FGD6: variants seen among roughly 807,000 people sequenced by gnomAD.
FGD6 encodes the protein FYVE, RhoGEF and PH domain-containing protein 6.
In FGD6, 90 loss-of-function variants were observed where a neutral mutation model predicts 149.4. That is an observed-to-expected ratio of 0.60 (90% CI 0.51 to 0.72). The LOEUF is 0.72. FGD6 is among the 30% of genes least tolerant of loss of function. FGD6 has a pLI of 0.00. For synonymous variants in FGD6, 527 were observed against 584.0 expected (o/e 0.90, Z 1.41); for missense variants, 1,437 against 1,684.8 (o/e 0.85, Z 2.57).
At chr12:95,148,631 ATATGT>A (rs1340720594) in intron 5 of FGD6, among the ~76,000 whole-genome samples, 1 of 123,172 alleles carries the variant, frequency 8.1e-6, no homozygotes, top group Admixed American at 9.8e-5. Flanking sequence ...AATACATAGC[ATATGT>A]TATATTATAT....
chr12:95,174,479 C>T (rs542136891), intron 2 of FGD6, among the ~76,000 whole-genome samples: 2 of 152,242 alleles, frequency 1.3e-5, no homozygotes, highest in South Asian at 2.1e-4. Flanking sequence ...CACAACCCAC[C>T]GAATCAGGAT....
chr12:95,154,838 GTCT>G (rs1196402975), intron 3 of FGD6, among the ~76,000 whole-genome samples: 5 of 152,158 alleles, frequency 3.3e-5, no homozygotes, highest in African/African-American at 1.2e-4. Context: ...CTCTAAAGTA[GTCT>G]TCTTTTTAAC....
In FGD6 at chr12:95,157,566, C is replaced by A. The variant is rs867290893; in HGVS notation, c.2587-4573G>T. On this transcript the variant is annotated intron_variant, in intron 3 of 20. Coordinates refer to ENST00000343958, the MANE Select transcript of FGD6 (RefSeq NM_018351.4). ...AGGCGACAAGAGCAAAACTCTGTCT[C>A]AAAAAAAAAAAAAAAAAGAATATAA... 9.7e-3 allele frequency among the ~76,000 whole-genome samples: 1,102 copies of A among 113,060 alleles called. 1 individual carries two copies. The highest frequency in any genetic ancestry group is 0.01 in the African/African-American group (302 of 28,980). 74.2% of individuals were successfully genotyped at this position (113,060 alleles called of 152,430 possible).
intron 2 of FGD6, among the ~76,000 whole-genome samples, chr12:95,179,608 A>G (rs1245618157): frequency 2.0e-5 from 3 of 152,208 alleles, no homozygotes; most frequent in Non-Finnish European, 4.4e-5. Context: ...AACAAATAGA[A>G]TGCAAAATTC....
chr12:95,105,531 A>C (rs1042423859), intron 13 of FGD6, among the ~76,000 whole-genome samples: 3 of 152,210 alleles, frequency 2.0e-5, no homozygotes, highest in African/African-American at 7.2e-5. Context: ...TCTACTTTAT[A>C]GGTATTTACG....
At chr12:95,168,632 C>A (rs1880896097) in intron 3 of FGD6, among the ~76,000 whole-genome samples, 1 of 151,756 alleles carries the variant, frequency 6.6e-6, no homozygotes, top group Admixed American at 6.6e-5. Flanking sequence ...CACTGCACTC[C>A]AGCCTGGGAG....
At chr12:95,188,375 C>CA (rs1201780293) in intron 2 of FGD6, among the ~76,000 whole-genome samples, 1 of 144,002 alleles carries the variant, frequency 6.9e-6, no homozygotes, top group Non-Finnish European at 1.5e-5. Flanking sequence ...ATGGGCAAAG[C>CA]ACCATCCGTG....
At chr12:95,178,418 T>C (rs1319334786) in intron 2 of FGD6, among the ~76,000 whole-genome samples, 1 of 152,200 alleles carries the variant, frequency 6.6e-6, no homozygotes, top group East Asian at 1.9e-4. Context: ...CCAGATCAAC[T>C]AGTAGGTCTT....
intron 3 of FGD6, among the ~76,000 whole-genome samples, chr12:95,155,088 T>TA (rs897885175): frequency 2.0e-5 from 3 of 151,904 alleles, no homozygotes; most frequent in Admixed American, 6.6e-5. Flanking sequence ...TTTAATAAAT[T>TA]AAAAAAAATA....
At chr12:95,153,068 ATT>A (rs1330247657) in intron 3 of FGD6, 75 bp from the exon 4 acceptor site, 1 of 1,306,152 alleles carries the variant, frequency 7.7e-7, no homozygotes, top group African/African-American at 1.5e-5. Flanking sequence ...TCAGACACGA[ATT>A]TTAACTCTGA....
intron 3 of FGD6, among the ~76,000 whole-genome samples, chr12:95,155,240 A>G (rs1880430695): frequency 6.6e-6 from 1 of 152,144 alleles, no homozygotes; most frequent in Non-Finnish European, 1.5e-5. Flanking sequence ...TAAAAACTGT[A>G]ATCAGGCCGG....
At chr12:95,135,801 C>T (rs539420801) in intron 7 of FGD6, among the ~76,000 whole-genome samples, 6 of 152,278 alleles carry the variant, frequency 3.9e-5, no homozygotes, top group African/African-American at 1.4e-4. Context: ...AAGTATCTTT[C>T]ATCCAAGCAT....
intron 5 of FGD6, 121 bp downstream of exon 5, chr12:95,152,690 G>T (rs771540570): frequency 3.0e-5 from 26 of 860,848 alleles, no homozygotes; most frequent in Non-Finnish European, 4.5e-5. Context: ...CTACATATAT[G>T]AAATACATAC....
At chr12:95,167,735 G>A (rs1445169668) in intron 3 of FGD6, among the ~76,000 whole-genome samples, 1 of 151,688 alleles carries the variant, frequency 6.6e-6, no homozygotes, top group East Asian at 1.9e-4. Context: ...CCAACACACA[G>A]GGCTAATTTT....
At chr12:95,107,739 G>C in intron 11 of FGD6, 108 bp from the exon 12 acceptor site, 4 of 1,097,076 alleles carry the variant, frequency 3.6e-6, no homozygotes, top group Non-Finnish European at 5.4e-6. Flanking sequence ...GACAGACTGG[G>C]GAGCCACAGT....
chr12:95,142,819 G>T (rs1263701181), intron 5 of FGD6, among the ~76,000 whole-genome samples: 1 of 152,094 alleles, frequency 6.6e-6, no homozygotes, highest in Non-Finnish European at 1.5e-5. Flanking sequence ...ATTCACCAGG[G>T]TTTACACTTT....
Position 95,104,985 on chromosome 12 carries a change from AAAAGAAG to A in FGD6, c.3497+15_3497+21del. On this transcript the variant is annotated intron_variant, in intron 14 of 20. Transcript: ENST00000343958. ...ACTCAGAATGAGAAAAAAAAAAAAA[AAAAGAAG>A]AAGAAAAAATTTACCTGGCTGAGAG... 6.4e-7 allele frequency: 1 copy of A among 1,561,858 alleles called. No homozygotes were observed. The highest frequency in any genetic ancestry group is 8.6e-7 in the Non-Finnish European group (1 of 1,160,722).
rs552076412 is a variant in FGD6, at chr12:95,077,782, T to C, written c.*3738A>G. 1.1e-4 allele frequency: 16 copies of C among 152,354 alleles called. No individual in the cohort carries two copies. Among genetic ancestry groups the C allele is most frequent in the African/African-American group, 3.8e-4 (16 of 41,586 alleles). The allele number at this position is 152,354 out of a possible 1,614,324, so 9.4% of individuals were successfully genotyped here. On this transcript the variant is annotated 3_prime_UTR_variant, in exon 21 of 21. Coordinates refer to ENST00000343958, the MANE Select transcript of FGD6 (RefSeq NM_018351.4). ...CTTGTTGAGAGTTAGAGGCAGATTC[T>C]GGAGTCTCAAATGGTATCTTTCTCT...
chr12:95,172,412 T>C (rs1881019851), intron 3 of FGD6, among the ~76,000 whole-genome samples, 188 bp downstream of exon 3: 1 of 152,222 alleles, frequency 6.6e-6, no homozygotes, highest in Admixed American at 6.6e-5. Context: ...AAGTAATCTC[T>C]AAGTGATACA....
Sources: allele counts gnomAD v4.1 joint callset (sites outside exome capture counted in the v4.1 genomes callset), GRCh38; gene constraint gnomAD v4.1.1; transcripts MANE v1.5; gene names NCBI Gene and HGNC (gene_info 2026-07-23, HGNC 2026-07-21).